D2HGDH: variants seen among roughly 807,000 people sequenced by gnomAD.
The protein encoded by D2HGDH is D-2-hydroxyglutarate dehydrogenase, also known as D-2-hydroxyglutarate dehydrogenase, mitochondrial.
D2HGDH carries 31 observed loss-of-function variants against 46.9 expected under a neutral mutation model. The ratio of observed to expected loss-of-function variants is 0.66; its 90% confidence interval spans 0.50 to 0.89. The LOEUF is 0.89. Among genes scored for constraint, D2HGDH ranks in the 40% least tolerant of loss-of-function variants. The pLI, the probability that D2HGDH is intolerant of heterozygous loss-of-function variation, is 0.00. For missense variants in D2HGDH, 698 were observed against 720.8 expected (o/e 0.97, Z 0.36); for synonymous variants, 364 against 332.6 (o/e 1.09, Z -1.03).
At chr2:241,759,305 C>T (rs1375994512) in intron 9 of D2HGDH, among the ~76,000 whole-genome samples, 1 of 152,176 alleles carries the variant, frequency 6.6e-6, no homozygotes, top group Non-Finnish European at 1.5e-5. Context: ...CTAATCTGTT[C>T]CTCCTGTAGC....
intron 8 of D2HGDH, among the ~76,000 whole-genome samples, chr2:241,751,947 C>T (rs1277802439): frequency 1.3e-5 from 2 of 150,726 alleles, no homozygotes. Flanking sequence ...CGGTCACCGT[C>T]ACCGGGGCCT....
At position 241,767,746 on chromosome 2, in the gene D2HGDH, C is replaced by T. The variant is rs201318398; in HGVS notation, c.1343C>T (p.Ala448Val). ...GNLHLNVTAE[A>V]FSPSLLAALE... Reference sequence around the variant, plus strand: ...CTGCACCTCAATGTGACGGCGGAGGCCTTCAGCCCCTCGCTCCTGGCTGCC... The same window carrying T: ...CTGCACCTCAATGTGACGGCGGAGGTCTTCAGCCCCTCGCTCCTGGCTGCC... Residue 448 changes from alanine (A) to valine (V), a missense_variant, in exon 10 of 10, where the codon GCC (alanine) becomes GTC (valine). Physicochemically the swap from Ala to Val is moderately conservative, Grantham distance 64. Transcript: ENST00000321264. 6.2e-7 allele frequency: 1 copy of T among 1,612,838 alleles called. No individual in the cohort carries two copies. Among genetic ancestry groups the T allele is most frequent in the Non-Finnish European group, 8.5e-7 (1 of 1,179,592 alleles).
In D2HGDH at chr2:241,748,765, C is replaced by A. The variant is rs937632872; in HGVS notation, c.854-1386C>A. ...GGAACGGCTGGGGCAGCCTTGACTG[C>A]TTCTGCCGACTTACTCTCTGGGCGG... On this transcript the variant is annotated intron_variant, in intron 6 of 9. Coordinates refer to ENST00000321264, the MANE Select transcript of D2HGDH (RefSeq NM_152783.5). 5.6e-6 allele frequency: 6 copies of A among 1,079,318 alleles called. No individual in the cohort carries two copies. In the African/African-American group the frequency reaches 1.0e-4, roughly 18 times the overall value. The allele number at this position is 1,079,318 out of a possible 1,614,324, so 66.9% of individuals were successfully genotyped here.
At chr2:241,747,723 G>T (rs2125114838) in intron 6 of D2HGDH, among the ~76,000 whole-genome samples, 1 of 152,062 alleles carries the variant, frequency 6.6e-6, no homozygotes. Flanking sequence ...ACCATACCTG[G>T]CTACATTTTT....
intron 8 of D2HGDH, chr2:241,755,252 C>T (rs1697980800): frequency 9.0e-7 from 1 of 1,114,560 alleles, no homozygotes; most frequent in African/African-American, 1.6e-5. Context: ...GGCCCACCCA[C>T]CATGTCCTTC....
chr2:241,748,726 C>T, intron 6 of D2HGDH: 5 of 900,112 alleles, frequency 5.6e-6, no homozygotes, highest in Non-Finnish European at 5.6e-6. Flanking sequence ...TGGGGCTCCT[C>T]ACCACCTGAC....
Position 241,742,338 on chromosome 2 carries a change from G to A in D2HGDH, c.351-97G>A, listed in dbSNP as rs1426793235. 13 of 1,473,018 alleles carry A rather than the reference G, an allele frequency of 8.8e-6. No individual in the cohort carries two copies. The highest frequency in any genetic ancestry group is 2.7e-6 in the Non-Finnish European group (3 of 1,092,658). The allele number at this position is 1,473,018 out of a possible 1,614,324, so 91.2% of individuals were successfully genotyped here. A position where few individuals can be genotyped will look rare whatever the true frequency, so the allele number is the denominator to read the frequency against. ...GGCTGCAGGCAGGGCAGGGTAATCA[G>A]GATTTGGAGTCAGGCACTGGTCCTG... On this transcript the variant is annotated intron_variant, in intron 3 of 9. Transcript: ENST00000321264. The surrounding 1 kb of genome is among the most constrained non-coding windows in gnomAD (Gnocchi z 4.8).
intron 9 of D2HGDH, among the ~76,000 whole-genome samples, chr2:241,764,198 G>T (rs539857416): frequency 1.3e-5 from 2 of 152,266 alleles, no homozygotes; most frequent in Non-Finnish European, 2.9e-5. Flanking sequence ...GCGGGGACTG[G>T]GGGGCGACGG....
intron 9 of D2HGDH, 85 bp from the exon 10 acceptor site, chr2:241,767,625 G>T (rs1699254513): frequency 9.4e-6 from 15 of 1,591,956 alleles, no homozygotes; most frequent in Non-Finnish European, 1.3e-5. Flanking sequence ...GCTGGGGAGG[G>T]GATCTTGGGA....
chr2:241,751,961 CA>C (rs1559382651), intron 8 of D2HGDH, among the ~76,000 whole-genome samples: 1 of 77,576 alleles, frequency 1.3e-5, no homozygotes, highest in African/African-American at 5.4e-5. Context: ...GGGGCCTGGG[CA>C]GGGGGAGCCC....
chr2:241,748,727 A>T, intron 6 of D2HGDH: 1 of 896,996 alleles, frequency 1.1e-6, no homozygotes, highest in Non-Finnish European at 1.4e-6. Context: ...GGGGCTCCTC[A>T]CCACCTGACC....
chr2:241,750,028 C>T, intron 6 of D2HGDH, 123 bp from the exon 7 acceptor site: 1 of 1,451,842 alleles, frequency 6.9e-7, no homozygotes, highest in East Asian at 2.3e-5. Flanking sequence ...AGTCCTCGTG[C>T]TCCTCGTGGC....
intron 6 of D2HGDH, chr2:241,749,026 G>A (rs1257518220): frequency 2.0e-6 from 2 of 1,011,046 alleles, no homozygotes; most frequent in South Asian, 2.8e-5. Context: ...TGGTCCTGGT[G>A]TCCCTCGTGC....
At position 241,743,946 on chromosome 2, in the gene D2HGDH, C is replaced by T. The variant is rs1002811318; in HGVS notation, c.684+131C>T. On this transcript the variant is annotated intron_variant, in intron 5 of 9. Coordinates refer to ENST00000321264, the MANE Select transcript of D2HGDH (RefSeq NM_152783.5). This position sits in a 1 kb window ranked among gnomAD's most constrained non-coding sequence, Gnocchi z 4.8. ...AGGTCTTGGTTCCTGGCCCTGGGCCCCTCAAGGATGTGTGGGCTACATACA... is the reference window on the plus strand; with the variant it reads ...AGGTCTTGGTTCCTGGCCCTGGGCCTCTCAAGGATGTGTGGGCTACATACA... 7 of 1,038,944 alleles carry T rather than the reference C, an allele frequency of 6.7e-6. No individual in the cohort carries two copies. The highest frequency in any genetic ancestry group is 2.3e-5 in the Admixed American group (1 of 43,500). 64.4% of individuals were successfully genotyped at this position (1,038,944 alleles called of 1,614,324 possible). A position where few individuals can be genotyped will look rare whatever the true frequency, so the allele number is the denominator to read the frequency against.
At chr2:241,735,538 G>C (rs1559337192) in intron 2 of D2HGDH, 22 bp downstream of exon 2, 5 of 1,601,116 alleles carry the variant, frequency 3.1e-6, no homozygotes, top group Non-Finnish European at 4.2e-6. Flanking sequence ...TTGGGAAGCT[G>C]CGGCGTTTCC....
chr2:241,737,602 G>T (rs1693279723), intron 2 of D2HGDH, among the ~76,000 whole-genome samples: 1 of 152,180 alleles, frequency 6.6e-6, no homozygotes, highest in Non-Finnish European at 1.5e-5. Flanking sequence ...CGATTTTCCT[G>T]TCTCAGCCTC....
chr2:241,760,545 G>A (rs1276852197), intron 9 of D2HGDH, among the ~76,000 whole-genome samples: 1 of 151,786 alleles, frequency 6.6e-6, no homozygotes, highest in East Asian at 1.9e-4. Context: ...ATCAGTCAAA[G>A]GCCTTTGACA....
intron 6 of D2HGDH, 150 bp from the exon 7 acceptor site, chr2:241,750,001 C>G (rs2125133998): frequency 8.8e-7 from 1 of 1,140,380 alleles, no homozygotes; most frequent in Non-Finnish European, 1.3e-6. Flanking sequence ...AAACCCTGGG[C>G]TGTTTGTTGC....
chr2:241,743,833 C>T lies in D2HGDH; in HGVS notation c.684+18C>T. ...TGGAAGTGGTGAGCTGGGGCAGCTG[C>T]TTGGTGCAGAGGTCGCCACGGGGTG... is the stretch of plus-strand genomic sequence containing the variant. On this transcript the variant is annotated intron_variant, in intron 5 of 9. Coordinates refer to ENST00000321264, the MANE Select transcript of D2HGDH (RefSeq NM_152783.5). This position sits in a 1 kb window ranked among gnomAD's most constrained non-coding sequence, Gnocchi z 4.8. 6.3e-7 allele frequency: 1 copy of T among 1,585,136 alleles called. No homozygotes were observed. The highest frequency in any genetic ancestry group is 8.6e-7 in the Non-Finnish European group (1 of 1,166,378).
Sources: gnomAD v4.1 joint callset for allele counts (sites outside exome capture counted in the v4.1 genomes callset) on GRCh38, gnomAD v4.1.1 for gene constraint, Gnocchi (gnomAD v3.1) non-coding constraint, MANE v1.5 for transcripts, NCBI Gene and HGNC (gene_info 2026-07-23, HGNC 2026-07-21) for gene names.